SORCS1: variants seen among roughly 807,000 people sequenced by gnomAD.
SORCS1 encodes the protein sortilin related VPS10 domain containing receptor 1, also known as VPS10 domain-containing receptor SorCS1.
Under a neutral mutation model 146.1 loss-of-function variants are expected in SORCS1, and 60 were observed. That is an observed-to-expected ratio of 0.41 (90% CI 0.33 to 0.51). The LOEUF is 0.51. Ranked by LOEUF, SORCS1 falls within the 20% of genes least tolerant of loss-of-function variation. SORCS1 has a pLI of 0.21. For missense variants in SORCS1, 1,352 were observed against 1,487.6 expected (o/e 0.91, Z 1.50); for synonymous variants, 637 against 584.0 (o/e 1.09, Z -1.31).
At chr10:106,919,734 A>G (rs1357482159) in intron 2 of SORCS1, among the ~76,000 whole-genome samples, 1 of 152,238 alleles carries the variant, frequency 6.6e-6, no homozygotes, top group Non-Finnish European at 1.5e-5. Context: ...GTATAAATAA[A>G]GTCACACTTT....
intron 1 of SORCS1, among the ~76,000 whole-genome samples, chr10:107,129,361 C>T (rs762709915): frequency 1.6e-4 from 25 of 152,142 alleles, no homozygotes; most frequent in African/African-American, 3.1e-4. Context: ...CAGGCTCAAG[C>T]GAGAGCTGCC....
intron 1 of SORCS1, among the ~76,000 whole-genome samples, chr10:107,033,518 T>C (rs971814901): frequency 7.2e-5 from 11 of 152,226 alleles, no homozygotes; most frequent in African/African-American, 2.2e-4. Context: ...CTGATCTCTA[T>C]AGCAAACAGG....
At position 106,735,849 on chromosome 10, in the gene SORCS1, C is replaced by T. The variant is rs926315681; in HGVS notation, c.960-5735G>A. Among the ~76,000 whole-genome samples the T allele has an allele frequency of 5.3e-5, 8 of 152,280 alleles. No homozygotes were observed. The East Asian group carries it at 1.5e-3, about 29-fold the overall frequency. ...CAGGTGAAAAGACTTCAGTCCTGGT[C>T]TATGTGTGGTCCTCGCTATTGAGGG... is the stretch of plus-strand genomic sequence containing the variant. On this transcript the variant is annotated intron_variant, in intron 5 of 25. Coordinates refer to ENST00000263054, the MANE Select transcript of SORCS1 (RefSeq NM_052918.5).
chr10:106,880,784 T>C (rs1248940981), intron 2 of SORCS1, among the ~76,000 whole-genome samples: 4 of 151,836 alleles, frequency 2.6e-5, no homozygotes, highest in Non-Finnish European at 5.9e-5. Flanking sequence ...AAACAAGCAG[T>C]AGGCCATTTC....
intron 1 of SORCS1, among the ~76,000 whole-genome samples, chr10:107,115,595 A>G (rs1172037644): frequency 6.6e-6 from 1 of 152,112 alleles, no homozygotes; most frequent in Non-Finnish European, 1.5e-5. Flanking sequence ...ATAAAAATTA[A>G]CTCAAAATGG....
At chr10:106,621,462 G>A (rs986566795) in intron 19 of SORCS1, among the ~76,000 whole-genome samples, 2 of 151,388 alleles carry the variant, frequency 1.3e-5, no homozygotes, top group African/African-American at 4.9e-5. Flanking sequence ...CTGTAAATGT[G>A]TTTCCCAGAG....
intron 12 of SORCS1, among the ~76,000 whole-genome samples, chr10:106,677,726 T>C (rs1316114681): frequency 6.6e-6 from 1 of 152,190 alleles, no homozygotes; most frequent in Non-Finnish European, 1.5e-5. Context: ...TTAACTGTCA[T>C]ATATTATACA....
At chr10:107,070,539 AG>A (rs1452753655) in intron 1 of SORCS1, among the ~76,000 whole-genome samples, 1 of 152,224 alleles carries the variant, frequency 6.6e-6, no homozygotes, top group African/African-American at 2.4e-5. Flanking sequence ...ATCTTTCCCT[AG>A]GCCTCCTACT....
chr10:106,850,368 C>G (rs1408992997), intron 2 of SORCS1, among the ~76,000 whole-genome samples: 1 of 152,004 alleles, frequency 6.6e-6, no homozygotes, highest in African/African-American at 2.4e-5. Flanking sequence ...TCCGTCACCC[C>G]TTTCTTTGAC....
intron 1 of SORCS1, among the ~76,000 whole-genome samples, chr10:107,026,726 G>A (rs1958422687): frequency 1.3e-5 from 2 of 152,016 alleles, no homozygotes; most frequent in Admixed American, 6.6e-5. Flanking sequence ...GCGGAGCTGT[G>A]CTGAGTGTGA....
At position 106,577,339 on chromosome 10, in the gene SORCS1, T is replaced by C. The variant is rs1191457929; in HGVS notation, c.*81A>G. 1 of 1,611,130 alleles carries C rather than the reference T, an allele frequency of 6.2e-7. No individual in the cohort carries two copies. Among genetic ancestry groups the C allele is most frequent in the Non-Finnish European group, 8.5e-7 (1 of 1,178,762 alleles). On this transcript the variant is annotated 3_prime_UTR_variant, in exon 26 of 26. Transcript: ENST00000263054. ...GGAAAGAAAAAAAACACAAAGTTAG[T>C]GGTCATGAAGGATGATGTACTTGAC...
intron 5 of SORCS1, 101 bp downstream of exon 5, chr10:106,761,487 T>C: frequency 1.0e-6 from 1 of 987,574 alleles, no homozygotes; most frequent in Non-Finnish European, 1.6e-6. Flanking sequence ...GAACAGACCT[T>C]ATGTGAGAGC....
rs574506001 is a variant in SORCS1 at position 107,133,883 on chromosome 10, A to G, written c.558+30086T>C. 5.9e-5 allele frequency among the ~76,000 whole-genome samples: 9 copies of G among 152,334 alleles called. No homozygotes were observed. In the South Asian group the frequency reaches 1.7e-3, roughly 28 times the overall value. ...CTTCTGTCTTTTCTGTCTGTCTAACAAACATAAATAGCTTACTCAAGCAGT... is the reference window on the plus strand; with the variant it reads ...CTTCTGTCTTTTCTGTCTGTCTAACGAACATAAATAGCTTACTCAAGCAGT... On this transcript the variant is annotated intron_variant, in intron 1 of 25. Transcript: ENST00000263054.
chr10:106,976,333 G>GTTTTTTTTTTTGT (rs1554901320), intron 1 of SORCS1, among the ~76,000 whole-genome samples: 91 of 113,794 alleles, frequency 8.0e-4, no homozygotes, highest in South Asian at 1.4e-3. Context: ...AGGTTTTTTT[G>GTTTTTTTTTTTGT]TTTTTTTTTT....
chr10:106,996,437 G>T (rs2139559498), intron 1 of SORCS1, among the ~76,000 whole-genome samples: 1 of 151,942 alleles, frequency 6.6e-6, no homozygotes, highest in African/African-American at 2.4e-5. Flanking sequence ...CTACCAGAAG[G>T]GTATGCTACA....
In SORCS1 at chr10:107,057,030, C is replaced by A. The variant is rs56211816; in HGVS notation, c.559-100450G>T. Among the ~76,000 whole-genome samples, 1,252 of 152,308 alleles carry A rather than the reference C, an allele frequency of 8.2e-3. 8 individuals carry two copies. Among genetic ancestry groups the A allele is most frequent in the Non-Finnish European group, 0.012 (835 of 68,030 alleles). On this transcript the variant is annotated intron_variant, in intron 1 of 25. Coordinates refer to ENST00000263054, the MANE Select transcript of SORCS1 (RefSeq NM_052918.5). The stretch of plus-strand genomic sequence containing the variant: ...AACATCCAGTTCCCGCTTTCTAAAT[C>A]CTCAATTGCTTGACCACTGACCTTT...
intron 1 of SORCS1, among the ~76,000 whole-genome samples, chr10:107,004,416 A>T (rs781741917): frequency 5.3e-5 from 8 of 152,142 alleles, no homozygotes; most frequent in Non-Finnish European, 1.2e-4. Flanking sequence ...AGGCCTAGCA[A>T]TCATGGTGGA....
chr10:106,806,259 T>G (rs957704556), intron 3 of SORCS1, among the ~76,000 whole-genome samples: 2 of 149,972 alleles, frequency 1.3e-5, no homozygotes, highest in Non-Finnish European at 3.0e-5. Context: ...TCCCAGCTAC[T>G]CAGGAGGCTG....
At chr10:106,823,617 ATCT>A in intron 3 of SORCS1, among the ~76,000 whole-genome samples, 1 of 152,230 alleles carries the variant, frequency 6.6e-6, no homozygotes, top group African/African-American at 2.4e-5. Flanking sequence ...ACTTTATGCC[ATCT>A]AGGTCCTCGC....
Sources: allele counts gnomAD v4.1 joint callset (sites outside exome capture counted in the v4.1 genomes callset), GRCh38; gene constraint gnomAD v4.1.1; transcripts MANE v1.5; gene names NCBI Gene and HGNC (gene_info 2026-07-23, HGNC 2026-07-21).